Variants in PDGFC observed in about 807,000 individuals in gnomAD.
PDGFC encodes platelet-derived growth factor C.
Under a neutral mutation model 35.5 loss-of-function variants are expected in PDGFC, and 12 were observed. That is an observed-to-expected ratio of 0.34 (90% CI 0.22 to 0.55). PDGFC has a LOEUF of 0.55. Among genes scored for constraint, PDGFC ranks in the 20% least tolerant of loss-of-function variants. The pLI, the probability that PDGFC is intolerant of heterozygous loss-of-function variation, is 0.91. For missense variants in PDGFC, 322 were observed against 412.4 expected (o/e 0.78, Z 1.90); for synonymous variants, 159 against 148.8 (o/e 1.07, Z -0.50).
chr4:156,874,431 A>G (rs1197142249), intron 1 of PDGFC, among the ~76,000 whole-genome samples: 2 of 152,154 alleles, frequency 1.3e-5, no homozygotes, highest in Admixed American at 1.3e-4. Flanking sequence ...GCTTAAGTAT[A>G]AAGTGATTTC....
intron 3 of PDGFC, among the ~76,000 whole-genome samples, chr4:156,804,062 T>A (rs376206165): frequency 2.6e-5 from 4 of 151,054 alleles, no homozygotes; most frequent in South Asian, 4.2e-4. Context: ...CCTAATTTTA[T>A]GGGAAAGTCC....
At chr4:156,771,468 G>A (rs1730691530) in intron 4 of PDGFC, among the ~76,000 whole-genome samples, 1 of 152,152 alleles carries the variant, frequency 6.6e-6, no homozygotes, top group Admixed American at 6.6e-5. Flanking sequence ...TATTCATCAA[G>A]TTATTCATCA....
rs961458136 is a variant in PDGFC, at chr4:156,970,999, G to A, written c.-96C>T. 1.7e-5 allele frequency: 13 copies of A among 758,410 alleles called. No individual in the cohort carries two copies. The highest frequency in any genetic ancestry group is 1.6e-4 in the Admixed American group (8 of 49,088). The allele number at this position is 758,410 out of a possible 1,614,324, so 47.0% of individuals were successfully genotyped here. On this transcript the variant is annotated 5_prime_UTR_variant, in exon 1 of 6. Coordinates refer to ENST00000502773, the MANE Select transcript of PDGFC (RefSeq NM_016205.3). ...CACCGCCAGGGGAAGGCTGCACTGG[G>A]GTGGAAGCGCCGAGCCTGCTCTGGC...
chr4:156,863,540 A>C (rs1222364419), intron 1 of PDGFC, among the ~76,000 whole-genome samples: 2 of 152,116 alleles, frequency 1.3e-5, no homozygotes, highest in African/African-American at 4.8e-5. Context: ...AATCCTAATA[A>C]CTTTAATAAC....
intron 4 of PDGFC, chr4:156,770,720 T>C (rs987703228): frequency 1.3e-5 from 2 of 152,130 alleles, no homozygotes; most frequent in Admixed American, 6.6e-5. Flanking sequence ...CCAAAATCAT[T>C]ATTTTTAAAT....
At chr4:156,817,736 C>T (rs948334176) in intron 2 of PDGFC, among the ~76,000 whole-genome samples, 12 of 151,998 alleles carry the variant, frequency 7.9e-5, no homozygotes, top group Admixed American at 2.0e-4. Flanking sequence ...ATTTGACCAG[C>T]GCAGCTATCC....
chr4:156,898,979 T>C (rs1366918963), intron 1 of PDGFC, among the ~76,000 whole-genome samples: 1 of 152,176 alleles, frequency 6.6e-6, no homozygotes, highest in African/African-American at 2.4e-5. Flanking sequence ...ATACCAAAAA[T>C]GTAGCAAGGT....
chr4:156,822,276 G>C (rs568575418), intron 2 of PDGFC, among the ~76,000 whole-genome samples: 2 of 149,568 alleles, frequency 1.3e-5, no homozygotes, highest in African/African-American at 4.9e-5. Context: ...GGAGAATGGC[G>C]TGAACCCGGG....
chr4:156,869,128 AT>A (rs1206114545), intron 1 of PDGFC, among the ~76,000 whole-genome samples: 1 of 152,068 alleles, frequency 6.6e-6, no homozygotes, highest in East Asian at 1.9e-4. Flanking sequence ...ATTTAATATA[AT>A]TAGGTTTTAA....
chr4:156,771,630 T>C (rs531812076), intron 4 of PDGFC, among the ~76,000 whole-genome samples: 4 of 152,276 alleles, frequency 2.6e-5, no homozygotes, highest in African/African-American at 9.6e-5. Context: ...GAACATGACC[T>C]GCTGAGATTA....
At chr4:156,798,054 T>C (rs1030181983) in intron 3 of PDGFC, among the ~76,000 whole-genome samples, 4 of 151,972 alleles carry the variant, frequency 2.6e-5, no homozygotes, top group African/African-American at 9.7e-5. Context: ...TAGCCAGGCA[T>C]GGTGGCGGGC....
At chr4:156,793,794 T>A (rs1173542216) in intron 3 of PDGFC, among the ~76,000 whole-genome samples, 1 of 150,206 alleles carries the variant, frequency 6.7e-6, no homozygotes. Flanking sequence ...TGATAATATA[T>A]GGCAGAAATT....
In PDGFC at chr4:156,826,174, A is replaced by ATTTTTTTTTT. The variant is rs59421806; in HGVS notation, c.315-15167_315-15158dup. ...GCCACCATATCCAGCTTTGAGTTGG[A>ATTTTTTTTTT]TTTTTTTTTTTTTTTTTTTTTTTTT... On this transcript the variant is annotated intron_variant, in intron 2 of 5. Coordinates refer to ENST00000502773, the MANE Select transcript of PDGFC (RefSeq NM_016205.3). Among the ~76,000 whole-genome samples the ATTTTTTTTTT allele has an allele frequency of 3.0e-3, 133 of 43,782 alleles. 19 individuals are homozygous for ATTTTTTTTTT. Among genetic ancestry groups the ATTTTTTTTTT allele is most frequent in the African/African-American group, 3.8e-3 (47 of 12,378 alleles). The allele number at this position is 43,782 out of a possible 152,430, so 28.7% of individuals were successfully genotyped here.
intron 1 of PDGFC, among the ~76,000 whole-genome samples, chr4:156,937,114 A>G (rs1376574751): frequency 2.0e-5 from 3 of 152,202 alleles, no homozygotes; most frequent in Non-Finnish European, 4.4e-5. Flanking sequence ...TGTGTGCTGA[A>G]AAAAGAGATT....
chr4:156,920,438 G>A (rs1426562016), intron 1 of PDGFC, among the ~76,000 whole-genome samples: 1 of 152,074 alleles, frequency 6.6e-6, no homozygotes, highest in East Asian at 1.9e-4. Context: ...ATGGTAAATG[G>A]GGATGTGAAC....
intron 1 of PDGFC, among the ~76,000 whole-genome samples, chr4:156,930,740 C>CGGGT: frequency 6.6e-6 from 1 of 152,022 alleles, no homozygotes; most frequent in East Asian, 1.9e-4. Context: ...TGGTGGTGCA[C>CGGGT]GCCTGTAATC....
chr4:156,762,802 CA>C lies in PDGFC; in HGVS notation c.*287del. ...CAGAACCCAGCTAGTGGAATACGTA[CA>C]TGGTAACTCTGAAACTAGCTGGTGA... On this transcript the variant is annotated 3_prime_UTR_variant, in exon 6 of 6. Coordinates refer to ENST00000502773, the MANE Select transcript of PDGFC (RefSeq NM_016205.3). 1 of 275,840 alleles carries C rather than the reference CA, an allele frequency of 3.6e-6. No individual in the cohort carries two copies. The highest frequency in any genetic ancestry group is 6.9e-6 in the Non-Finnish European group (1 of 143,914). 17.1% of individuals were successfully genotyped at this position (275,840 alleles called of 1,614,324 possible). A position where few individuals can be genotyped will look rare whatever the true frequency, so the allele number is the denominator to read the frequency against.
chr4:156,937,709 A>G (rs950994631), intron 1 of PDGFC, among the ~76,000 whole-genome samples: 1 of 152,196 alleles, frequency 6.6e-6, no homozygotes. Context: ...AAATAAATAA[A>G]TAAGAAAGGC....
At chr4:156,935,715 C>T (rs575424148) in intron 1 of PDGFC, among the ~76,000 whole-genome samples, 14 of 152,244 alleles carry the variant, frequency 9.2e-5, no homozygotes, top group African/African-American at 3.4e-4. Context: ...ATGTTGTGAC[C>T]AGGAACTCGC....
Sources: allele counts gnomAD v4.1 joint callset (sites outside exome capture counted in the v4.1 genomes callset), GRCh38; gene constraint gnomAD v4.1.1; transcripts MANE v1.5; gene names NCBI Gene and HGNC (gene_info 2026-07-23, HGNC 2026-07-21).